Variants in RALYL observed in about 807,000 individuals in gnomAD.
The protein encoded by RALYL is RALY RNA binding protein like, also known as RNA-binding Raly-like protein.
A neutral mutation model predicts 35.1 loss-of-function variants in RALYL; 29 were observed. The observed-to-expected ratio is 0.83, with a 90% CI of 0.61 to 1.13. The LOEUF is 1.13. RALYL is among the 50% of genes most tolerant of loss of function. The pLI is 0.00. For synonymous variants in RALYL, 120 were observed against 127.6 expected (o/e 0.94, Z 0.40); for missense variants, 359 against 360.4 (o/e 1.00, Z 0.03).
At chr8:84,555,193 C>T (rs962235862) in intron 2 of RALYL, among the ~76,000 whole-genome samples, 17 of 152,108 alleles carry the variant, frequency 1.1e-4, no homozygotes, top group African/African-American at 2.9e-4. Context: ...GCAGGAGAAT[C>T]GCTTGAACCC....
At chr8:84,500,625 A>T (rs376102413) in intron 1 of RALYL, among the ~76,000 whole-genome samples, 8 of 152,274 alleles carry the variant, frequency 5.3e-5, no homozygotes, top group African/African-American at 1.9e-4. Context: ...CTGCATTCTG[A>T]GGAGTCACTT....
intron 8 of RALYL, among the ~76,000 whole-genome samples, chr8:84,916,443 G>T: frequency 6.6e-6 from 1 of 152,048 alleles, no homozygotes; most frequent in Non-Finnish European, 1.5e-5. Flanking sequence ...CTGGTGGGAG[G>T]TAATTGCGTA....
At chr8:84,381,004 A>T (rs1857883647) in intron 1 of RALYL, among the ~76,000 whole-genome samples, 1 of 151,860 alleles carries the variant, frequency 6.6e-6, no homozygotes, top group Non-Finnish European at 1.5e-5. Flanking sequence ...AAGAGTCAAG[A>T]TGAGACCAAG....
chr8:84,282,680 C>G (rs1836802819), intron 1 of RALYL, among the ~76,000 whole-genome samples: 2 of 98,772 alleles, frequency 2.0e-5, no homozygotes, highest in African/African-American at 9.5e-5. Context: ...GAGCAGATAT[C>G]TAAGCAAGAA....
chr8:84,562,666 A>AG (rs2061539282), intron 2 of RALYL, among the ~76,000 whole-genome samples: 1 of 151,170 alleles, frequency 6.6e-6, no homozygotes, highest in African/African-American at 2.4e-5. Flanking sequence ...AATCACTACT[A>AG]ACTAACAACC....
intron 1 of RALYL, among the ~76,000 whole-genome samples, chr8:84,377,194 T>C (rs961068098): frequency 1.3e-5 from 2 of 151,786 alleles, no homozygotes; most frequent in Admixed American, 6.6e-5. Context: ...TTTAAAAGTA[T>C]AGTTTATTGA....
intron 1 of RALYL, among the ~76,000 whole-genome samples, chr8:84,247,546 GAAAA>G (rs991033829): frequency 3.4e-5 from 5 of 148,598 alleles, no homozygotes; most frequent in Non-Finnish European, 6.0e-5. Flanking sequence ...AAAAAAAAAA[GAAAA>G]AAAAACTTGG....
chr8:84,646,853 G>A (rs1176695634), intron 2 of RALYL, among the ~76,000 whole-genome samples: 1 of 152,030 alleles, frequency 6.6e-6, no homozygotes, highest in Non-Finnish European at 1.5e-5. Flanking sequence ...GAACCACCAA[G>A]TTCTGACCTG....
At chr8:84,296,398 C>T (rs1839747677) in intron 1 of RALYL, among the ~76,000 whole-genome samples, 1 of 152,244 alleles carries the variant, frequency 6.6e-6, no homozygotes, top group East Asian at 1.9e-4. Context: ...GCAGTACTTT[C>T]AGATCACATA....
chr8:84,602,319 G>T (rs1448772003), intron 2 of RALYL, among the ~76,000 whole-genome samples: 1 of 152,076 alleles, frequency 6.6e-6, no homozygotes, highest in Non-Finnish European at 1.5e-5. Context: ...GACTTCTCTA[G>T]ATTGTCTTTT....
intron 1 of RALYL, among the ~76,000 whole-genome samples, chr8:84,301,617 T>C (rs1840806262): frequency 6.6e-6 from 1 of 152,118 alleles, no homozygotes; most frequent in African/African-American, 2.4e-5. Context: ...CTTTAAATTT[T>C]TGTCAAAGTA....
chr8:84,445,480 T>C (rs982958305), intron 1 of RALYL, among the ~76,000 whole-genome samples: 2 of 151,966 alleles, frequency 1.3e-5, no homozygotes, highest in African/African-American at 4.8e-5. Flanking sequence ...ATTTTACTTT[T>C]AAACTTTAGT....
At position 84,619,743 on chromosome 8, in the gene RALYL, T is replaced by C. The variant is rs558138830; in HGVS notation, c.256+90166T>C. ...GCAGCAGCTGGTGCCGGTTGTTCCT[T>C]TCCATGTTTAGCGCTTCCTTCAGGA... On this transcript the variant is annotated intron_variant, in intron 2 of 8. Coordinates refer to ENST00000521268, the MANE Select transcript of RALYL (RefSeq NM_173848.7). 5.9e-5 allele frequency among the ~76,000 whole-genome samples: 9 copies of C among 151,844 alleles called. 1 individual carries two copies. Among genetic ancestry groups the C allele is most frequent in the African/African-American group, 2.2e-4 (9 of 41,122 alleles).
intron 2 of RALYL, among the ~76,000 whole-genome samples, chr8:84,734,912 A>G (rs1409126167): frequency 1.3e-5 from 2 of 152,066 alleles, no homozygotes; most frequent in African/African-American, 4.8e-5. Context: ...ATGGGTTTGC[A>G]GAAGACTAAT....
intron 4 of RALYL, among the ~76,000 whole-genome samples, chr8:84,815,484 A>AATATATTTATAAAATACATTT (rs1827000851): frequency 6.7e-6 from 1 of 148,722 alleles, no homozygotes; most frequent in Non-Finnish European, 1.5e-5. Context: ...TTATAAATAA[A>AATATATTTATAAAATACATTT]ATATATTTAT....
At chr8:84,474,544 T>C (rs1023080155) in intron 1 of RALYL, among the ~76,000 whole-genome samples, 33 of 152,182 alleles carry the variant, frequency 2.2e-4, no homozygotes, top group African/African-American at 6.8e-4. Context: ...TAGAGCATTG[T>C]ATATGTGGAA....
intron 2 of RALYL, among the ~76,000 whole-genome samples, chr8:84,766,720 C>CAAAAAA (rs751821694): frequency 5.6e-5 from 1 of 18,014 alleles, no homozygotes; most frequent in Non-Finnish European, 1.0e-4. Context: ...GAGACTGTCT[C>CAAAAAA]AAAAAAAAAA....
intron 2 of RALYL, among the ~76,000 whole-genome samples, chr8:84,736,026 T>C (rs1039560933): frequency 6.6e-6 from 1 of 152,014 alleles, no homozygotes; most frequent in Admixed American, 6.6e-5. Flanking sequence ...ACTGCAACAC[T>C]CCAACACAGT....
rs865783178 is a variant in RALYL at position 84,616,612 on chromosome 8, C to A, written c.256+87035C>A. Among the ~76,000 whole-genome samples the A allele has an allele frequency of 1.8e-4, 27 of 151,082 alleles. No homozygotes were observed. The South Asian group carries it at 5.4e-3, about 30-fold the overall frequency. On this transcript the variant is annotated intron_variant, in intron 2 of 8. Coordinates refer to ENST00000521268, the MANE Select transcript of RALYL (RefSeq NM_173848.7). The stretch of plus-strand genomic sequence containing the variant: ...TTTAGTTTAATTAGATCCCATTTGT[C>A]AATTTTGGCTTTTGTTGCCATTGCT...
Sources: gnomAD v4.1 joint callset for allele counts (sites outside exome capture counted in the v4.1 genomes callset) on GRCh38, gnomAD v4.1.1 for gene constraint, MANE v1.5 for transcripts, NCBI Gene and HGNC (gene_info 2026-07-23, HGNC 2026-07-21) for gene names.